The following UTS2B variants were observed in gnomAD, a reference collection of about 807,000 sequenced individuals.
The protein encoded by UTS2B is urotensin-2B.
In UTS2B, 21 loss-of-function variants were observed where a neutral mutation model predicts 19.2. The ratio of observed to expected loss-of-function variants is 1.09; its 90% CI spans 0.78 to 1.58. UTS2B has a LOEUF of 1.58. Among genes scored for constraint, UTS2B ranks in the 40% most tolerant of loss-of-function variants. The probability of loss-of-function intolerance (pLI) is 0.00; values close to 1 mark genes in which losing one functional copy is unlikely to be tolerated. For missense variants in UTS2B, 138 were observed against 130.3 expected, an observed-to-expected ratio of 1.06 and a Z score of -0.29; for synonymous variants, 57 against 50.2, an observed-to-expected ratio of 1.14 and a Z score of -0.58.
chr3:191,296,013 C>T (rs1406829733), intron 4 of UTS2B, among the ~76,000 whole-genome samples: 1 of 152,166 alleles, frequency 6.6e-6, no homozygotes, highest in African/African-American at 2.4e-5. Flanking sequence ...GTCTGTAATA[C>T]TACCATTTAA....
At chr3:191,276,502 G>A (rs1000715208) in intron 7 of UTS2B, among the ~76,000 whole-genome samples, 24 of 152,164 alleles carry the variant, frequency 1.6e-4, no homozygotes, top group Non-Finnish European at 1.5e-5. Context: ...TTCTACAGAT[G>A]AGGAGATTTC....
the UTS2B span, among the ~76,000 whole-genome samples, chr3:191,345,643 A>G: frequency 1.3e-5 from 2 of 152,172 alleles, no homozygotes; most frequent in Non-Finnish European, 2.9e-5. Flanking sequence ...CTTGCCTGCA[A>G]TCTGGTGTAT....
chr3:191,335,030 T>A (rs1278069389), upstream of UTS2B, among the ~76,000 whole-genome samples: 2 of 152,176 alleles, frequency 1.3e-5, no homozygotes, highest in Non-Finnish European at 2.9e-5. Flanking sequence ...GGCTAATATT[T>A]AAAGGTAGAA....
intron 7 of UTS2B, 93 bp from the exon 8 acceptor site, chr3:191,275,438 C>T (rs3732709): frequency 0.032 from 31,065 of 958,622 alleles, 1,688 homozygotes; most frequent in East Asian, 0.21. Flanking sequence ...CCCAGCACTT[C>T]GGGAGGCCGA....
the UTS2B span, among the ~76,000 whole-genome samples, chr3:191,338,011 T>C: frequency 1.3e-5 from 2 of 152,124 alleles, no homozygotes; most frequent in African/African-American, 4.8e-5. Context: ...AGTGACCAAA[T>C]ACCAGGGGAG....
At chr3:191,336,501 A>G in the UTS2B span, among the ~76,000 whole-genome samples, 3 of 152,048 alleles carry the variant, frequency 2.0e-5, no homozygotes, top group Non-Finnish European at 4.4e-5. Flanking sequence ...ATTTTAGCTC[A>G]TTTTAAAATC....
the UTS2B span, among the ~76,000 whole-genome samples, chr3:191,335,948 A>G: frequency 7.0e-6 from 1 of 142,746 alleles, no homozygotes; most frequent in Non-Finnish European, 1.5e-5. Flanking sequence ...CCCACCAGCC[A>G]CTGATTTGTT....
chr3:191,307,612 C>T lies in UTS2B; in HGVS notation c.-181-3064G>A, dbSNP rs112254587. Reference sequence around the variant, plus strand: ...CGTTCAGAGGATTCTCTCTGGCTTCCATCTCATGTTTTGTAACTGACTAGT... The same window carrying T: ...CGTTCAGAGGATTCTCTCTGGCTTCTATCTCATGTTTTGTAACTGACTAGT... On this transcript the variant is annotated intron_variant, in intron 3 of 8. Transcript: ENST00000340524. Among the ~76,000 whole-genome samples the T allele has an allele frequency of 1.1e-3, 173 of 152,162 alleles. 2 individuals are homozygous for T. Among genetic ancestry groups the T allele is most frequent in the African/African-American group, 3.8e-3 (157 of 41,510 alleles).
chr3:191,283,056 G>GTATCCA (rs967465955), intron 4 of UTS2B, among the ~76,000 whole-genome samples: 1 of 152,120 alleles, frequency 6.6e-6, no homozygotes, highest in Non-Finnish European at 1.5e-5. Context: ...GACTTTGGAT[G>GTATCCA]TATCCACTCT....
chr3:191,292,315 G>C (rs1716741580), intron 4 of UTS2B, among the ~76,000 whole-genome samples: 1 of 152,022 alleles, frequency 6.6e-6, no homozygotes, highest in African/African-American at 2.4e-5. Flanking sequence ...CAAGTCTTAT[G>C]CTTCTTTGGT....
At chr3:191,329,947 G>A (rs796994464) in intron 1 of UTS2B, among the ~76,000 whole-genome samples, 100 of 142,682 alleles carry the variant, frequency 7.0e-4, no homozygotes, top group African/African-American at 2.4e-3. Flanking sequence ...GTGGTTGGGG[G>A]GGGGGGGGGC....
the UTS2B span, among the ~76,000 whole-genome samples, chr3:191,335,834 G>A: frequency 6.6e-6 from 1 of 151,962 alleles, no homozygotes; most frequent in African/African-American, 2.4e-5. Flanking sequence ...CCTTTTTAGT[G>A]TGTAGTTCTG....
chr3:191,307,837 C>CTTTT (rs34254108), intron 3 of UTS2B, among the ~76,000 whole-genome samples: 2 of 138,436 alleles, frequency 1.4e-5, no homozygotes, highest in African/African-American at 5.4e-5. Context: ...GTTTTCTTCT[C>CTTTT]TTTTTTTTTT....
intron 4 of UTS2B, among the ~76,000 whole-genome samples, chr3:191,288,705 T>G (rs752004504): frequency 2.6e-5 from 4 of 151,968 alleles, no homozygotes; most frequent in African/African-American, 9.7e-5. Context: ...TGTACAAAAT[T>G]TTATGGGAAT....
the UTS2B span, among the ~76,000 whole-genome samples, chr3:191,344,161 T>C: frequency 0.015 from 2,212 of 152,368 alleles, 51 homozygotes; most frequent in African/African-American, 0.05. Context: ...TGCTTGTGCA[T>C]GCATGCACAT....
chr3:191,311,250 G>A (rs889123034), intron 3 of UTS2B, among the ~76,000 whole-genome samples: 2 of 152,214 alleles, frequency 1.3e-5, no homozygotes, highest in Non-Finnish European at 1.5e-5. Flanking sequence ...AGGAAATGTT[G>A]CCTTGTCAAA....
At chr3:191,288,503 C>T (rs975326588) in intron 4 of UTS2B, among the ~76,000 whole-genome samples, 4 of 152,034 alleles carry the variant, frequency 2.6e-5, no homozygotes, top group Admixed American at 6.5e-5. Flanking sequence ...AACAAAGATG[C>T]CAAGAACATA....
chr3:191,295,407 T>A (rs1439191849), intron 4 of UTS2B, among the ~76,000 whole-genome samples: 1 of 152,020 alleles, frequency 6.6e-6, no homozygotes, highest in Admixed American at 6.5e-5. Flanking sequence ...TTTCTCCTAC[T>A]TTCCTGGTTA....
chr3:191,292,386 A>G (rs1206474226), intron 4 of UTS2B, among the ~76,000 whole-genome samples: 1 of 151,926 alleles, frequency 6.6e-6, no homozygotes, highest in Non-Finnish European at 1.5e-5. Flanking sequence ...TACTTTCTTA[A>G]TTTTATTTTT....
Sources: allele counts gnomAD v4.1 joint callset (sites outside exome capture counted in the v4.1 genomes callset), GRCh38; gene constraint gnomAD v4.1.1; transcripts MANE v1.5; gene names NCBI Gene and HGNC (gene_info 2026-07-23, HGNC 2026-07-21).